Variants in NEBL observed in about 807,000 individuals in gnomAD.
NEBL encodes LIM and SH3 protein 2.
Under a neutral mutation model 140.2 loss-of-function variants are expected in NEBL, and 122 were observed. The observed-to-expected ratio is 0.87, with a 90% CI of 0.75 to 1.01. The LOEUF (loss-of-function observed/expected upper bound fraction) is 1.01, where lower values mean the gene tolerates loss of function less well. NEBL is among the 50% of genes least tolerant of loss of function. NEBL has a pLI of 0.00. For missense variants in NEBL, 1,365 were observed against 1,231.3 expected (o/e 1.11, Z -1.62); for synonymous variants, 436 against 398.9 (o/e 1.09, Z -1.11).
chr10:21,186,661 CT>C (rs763064801), intron 3 of NEBL, among the ~76,000 whole-genome samples: 2,086 of 140,612 alleles, frequency 0.015, 32 homozygotes, highest in African/African-American at 0.033. Flanking sequence ...TTGTTTGCGA[CT>C]TTTTTTTTTT....
chr10:21,282,898 G>A (rs1843010098), intron 1 of NEBL, among the ~76,000 whole-genome samples: 1 of 152,180 alleles, frequency 6.6e-6, no homozygotes, highest in Non-Finnish European at 1.5e-5. Flanking sequence ...GCCGAGGCAG[G>A]CAGATCACCT....
chr10:20,911,152 A>G (rs1205788979), intron 4 of NEBL, among the ~76,000 whole-genome samples: 1 of 152,214 alleles, frequency 6.6e-6, no homozygotes, highest in Non-Finnish European at 1.5e-5. Flanking sequence ...CAACAAAACA[A>G]GATCCTGTCT....
rs561427754 is a variant in NEBL at position 21,229,008 on chromosome 10, C to T, written n.348+18913G>A. ...TAAATTAGGACATGAAGCAGAGCTC[C>T]CACCAACCCATAGTGGACATAGAGT... On this transcript the variant is annotated intron_variant and non_coding_transcript_variant, in intron 3 of 8. Coordinates refer to the NEBL transcript ENST00000675702. Among the ~76,000 whole-genome samples, 4 of 152,066 alleles carry T rather than the reference C, an allele frequency of 2.6e-5. No individual in the cohort carries two copies. In the East Asian group the frequency reaches 7.7e-4, roughly 29 times the overall value.
At chr10:21,142,776 C>T (rs535543596) in intron 2 of NEBL, among the ~76,000 whole-genome samples, 1 of 152,010 alleles carries the variant, frequency 6.6e-6, no homozygotes, top group Non-Finnish European at 1.5e-5. Flanking sequence ...CTATGAACTG[C>T]GCGTGTGAGG....
chr10:20,854,054 T>C (rs761273475), intron 9 of NEBL, among the ~76,000 whole-genome samples: 23 of 152,172 alleles, frequency 1.5e-4, no homozygotes, highest in Non-Finnish European at 2.8e-4. Flanking sequence ...TAGAAAATTT[T>C]AAAAATAATT....
chr10:20,802,188 A>C (rs1837187703), intron 26 of NEBL, among the ~76,000 whole-genome samples: 1 of 152,216 alleles, frequency 6.6e-6, no homozygotes, highest in Admixed American at 6.5e-5. Context: ...AAGGAAAACC[A>C]AAGAAACACA....
intron 26 of NEBL, among the ~76,000 whole-genome samples, chr10:20,803,867 A>T (rs1186842927): frequency 6.7e-6 from 1 of 149,750 alleles, no homozygotes; most frequent in Non-Finnish European, 1.5e-5. Context: ...TTTTCACTTT[A>T]GAGTATTTTT....
intron 3 of NEBL, among the ~76,000 whole-genome samples, chr10:21,218,942 G>A (rs1842032989): frequency 6.6e-6 from 1 of 152,220 alleles, no homozygotes; most frequent in Non-Finnish European, 1.5e-5. Context: ...TCCTCTTCCT[G>A]GTACAGGACA....
At chr10:21,120,389 A>ATATATAT (rs1554826387) in intron 2 of NEBL, among the ~76,000 whole-genome samples, 1 of 63,044 alleles carries the variant, frequency 1.6e-5, no homozygotes, top group African/African-American at 1.1e-4. Flanking sequence ...AAAAAAAAAA[A>ATATATAT]ATACATATAT....
chr10:21,006,779 T>C (rs75074306), intron 3 of NEBL, among the ~76,000 whole-genome samples: 2 of 152,218 alleles, frequency 1.3e-5, no homozygotes, highest in Non-Finnish European at 2.9e-5. Context: ...CATGATTTAA[T>C]TTTGCCAAGG....
chr10:21,288,331 G>A (rs1421514848), intron 1 of NEBL, among the ~76,000 whole-genome samples: 1 of 151,972 alleles, frequency 6.6e-6, no homozygotes, highest in Non-Finnish European at 1.5e-5. Flanking sequence ...AGCCAGGCAT[G>A]GTGCCAGGCA....
intron 3 of NEBL, among the ~76,000 whole-genome samples, chr10:21,204,975 C>T (rs1841803299): frequency 6.6e-6 from 1 of 152,186 alleles, no homozygotes; most frequent in African/African-American, 2.4e-5. Context: ...AGGGTCCTGC[C>T]CTCCAAGGAT....
At chr10:20,849,477 C>CTCTG (rs1842299859) in intron 11 of NEBL, among the ~76,000 whole-genome samples, 1 of 152,150 alleles carries the variant, frequency 6.6e-6, no homozygotes, top group African/African-American at 2.4e-5. Flanking sequence ...GGCCATAGCG[C>CTCTG]TCTGCCTCAT....
At chr10:21,099,375 G>A (rs1363378539) in intron 2 of NEBL, among the ~76,000 whole-genome samples, 1 of 152,050 alleles carries the variant, frequency 6.6e-6, no homozygotes, top group Non-Finnish European at 1.5e-5. Flanking sequence ...TCTGGTGCCA[G>A]CCTGTGTTCT....
chr10:21,232,720 G>C (rs1842282607), intron 3 of NEBL, among the ~76,000 whole-genome samples: 1 of 152,234 alleles, frequency 6.6e-6, no homozygotes, highest in East Asian at 1.9e-4. Flanking sequence ...ACAGGTACCA[G>C]TCAGTGGCCT....
chr10:21,140,764 G>A lies in NEBL; in HGVS notation c.164+31619C>T, dbSNP rs183399339. On this transcript the variant is annotated intron_variant, in intron 2 of 6. Transcript: ENST00000417816. ...AATGGGAACACATGGACACAGAGAG[G>A]GGAACATCACACATGGGGGCCTGTC... Among the ~76,000 whole-genome samples, 461 of 152,050 alleles carry A rather than the reference G, an allele frequency of 3.0e-3. 1 individual carries two copies. The highest frequency in any genetic ancestry group is 0.011 in the African/African-American group (447 of 41,468).
At chr10:21,066,629 C>T (rs368201712) in intron 2 of NEBL, among the ~76,000 whole-genome samples, 2 of 152,100 alleles carry the variant, frequency 1.3e-5, no homozygotes, top group East Asian at 1.9e-4. Context: ...TTTAAGCCTC[C>T]GAATTTGCTT....
intron 8 of NEBL, 121 bp downstream of exon 8, chr10:20,859,592 A>G (rs1003730718): frequency 1.6e-6 from 1 of 631,952 alleles, no homozygotes; most frequent in African/African-American, 1.9e-5. Flanking sequence ...TTAGAAAAAT[A>G]TGCTTCAGTT....
At chr10:20,857,295 T>A (rs1564390411) in intron 9 of NEBL, among the ~76,000 whole-genome samples, 1 of 152,206 alleles carries the variant, frequency 6.6e-6, no homozygotes, top group Non-Finnish European at 1.5e-5. Context: ...CCTGAAGCTG[T>A]ATCTCCTTAT....
Sources: gnomAD v4.1 joint callset for allele counts (sites outside exome capture counted in the v4.1 genomes callset) on GRCh38, gnomAD v4.1.1 for gene constraint, MANE v1.5 for transcripts, NCBI Gene and HGNC (gene_info 2026-07-23, HGNC 2026-07-21) for gene names.